BCLAF3: variants seen among roughly 807,000 people sequenced by gnomAD.
BCLAF3 encodes the protein BCLAF1 and THRAP3 family member 3.
In BCLAF3, 24 loss-of-function variants were observed where a neutral mutation model predicts 51.2. That is an observed-to-expected ratio of 0.47 (90% CI 0.34 to 0.66). BCLAF3 has a LOEUF of 0.66. BCLAF3 is among the 30% of genes least tolerant of loss of function. The pLI is 0.01. For missense variants in BCLAF3, 465 were observed against 525.1 expected, an observed-to-expected ratio of 0.89 and a Z score of 1.12; for synonymous variants, 152 against 176.6, an observed-to-expected ratio of 0.86 and a Z score of 1.10.
chrX:19,946,374 A>T (rs1402540256), intron 8 of BCLAF3, among the ~76,000 whole-genome samples: 5 of 112,234 alleles, frequency 4.5e-5, no homozygotes, highest in Non-Finnish European at 7.5e-5. Context: ...CATGAGACAG[A>T]TGCTACATAC....
chrX:19,941,685 T>C (rs1225962837), intron 8 of BCLAF3, among the ~76,000 whole-genome samples: 28 of 109,055 alleles, frequency 2.6e-4, no homozygotes, highest in African/African-American at 9.5e-4. Flanking sequence ...CCTTGTAGTA[T>C]AGTTTGAAGT....
chrX:19,946,020 G>A (rs2071276939), intron 8 of BCLAF3, among the ~76,000 whole-genome samples: 2 of 109,299 alleles, frequency 1.8e-5, no homozygotes, highest in Admixed American at 1.9e-4. Context: ...ATATTCGGGT[G>A]GGAGTGACCC....
In BCLAF3 at chrX:19,991,008, C is replaced by G. The variant is rs1422035720; in HGVS notation, c.-135G>C. ...GCCTCGCCCCTCACTCTGCCGCCGC[C>G]TCCCACAGCAGCGACACCCCAGCCA... On this transcript the variant is annotated 5_prime_UTR_variant, in exon 1 of 12. Transcript: ENST00000379682. Among the ~76,000 whole-genome samples the G allele has an allele frequency of 9.2e-6, 1 of 108,392 alleles. No individual in the cohort carries two copies. The highest frequency in any genetic ancestry group is 1.9e-5 in the Non-Finnish European group (1 of 51,760). 94.1% of individuals were successfully genotyped at this position (108,392 alleles called of 115,157 possible). A position where few individuals can be genotyped will look rare whatever the true frequency, so the allele number is the denominator to read the frequency against.
chrX:19,982,549 TCACACACACA>T (rs60433883), intron 1 of BCLAF3, among the ~76,000 whole-genome samples: 3,836 of 97,132 alleles, frequency 0.039, 69 homozygotes, highest in Non-Finnish European at 0.057. Flanking sequence ...AGATGCAATT[TCACACACACA>T]CACACACACA....
intron 1 of BCLAF3, among the ~76,000 whole-genome samples, chrX:19,978,916 T>C (rs2072520806): frequency 9.0e-6 from 1 of 110,808 alleles, no homozygotes; most frequent in South Asian, 3.8e-4. Context: ...AAATCTTTTG[T>C]AAAGGAAGAG....
intron 2 of BCLAF3, among the ~76,000 whole-genome samples, chrX:19,969,498 A>T (rs931024403): frequency 3.6e-5 from 4 of 112,220 alleles, no homozygotes; most frequent in Non-Finnish European, 5.6e-5. Flanking sequence ...CGCCCAGATA[A>T]AATTGTTTTC....
intron 11 of BCLAF3, chrX:19,923,481 C>T (rs1244581651): frequency 7.6e-6 from 1 of 131,205 alleles, no homozygotes; most frequent in Non-Finnish European, 1.6e-5. Flanking sequence ...GAGATGTAAT[C>T]CATAGACTAT....
rs759876201 is a variant in BCLAF3 at position 19,983,071 on chromosome X, C to T, written c.-35+7837G>A. Among the ~76,000 whole-genome samples, 10 of 104,577 alleles carry T rather than the reference C, an allele frequency of 9.6e-5. No homozygotes were observed. In the South Asian group the frequency reaches 4.4e-3, roughly 47 times the overall value. The allele number at this position is 104,577 out of a possible 115,157, so 90.8% of individuals were successfully genotyped here. A position where few individuals can be genotyped will look rare whatever the true frequency, so the allele number is the denominator to read the frequency against. ...CCAAGTTCAAGCGATTCCCGTGCTT[C>T]AGCCTCCCAAGTAGCTGGTACTATA... On this transcript the variant is annotated intron_variant, in intron 1 of 11. Transcript: ENST00000379682.
intron 2 of BCLAF3, among the ~76,000 whole-genome samples, chrX:19,968,828 TGTGGGCC>T (rs2072152550): frequency 8.9e-6 from 1 of 112,673 alleles, no homozygotes; most frequent in Non-Finnish European, 1.9e-5. Flanking sequence ...AAATGACCTC[TGTGGGCC>T]GGGCGCAGTG....
At chrX:19,970,946 A>G (rs2072236557) in intron 1 of BCLAF3, among the ~76,000 whole-genome samples, 1 of 112,304 alleles carries the variant, frequency 8.9e-6, no homozygotes, top group South Asian at 3.7e-4. Context: ...GAATTCCTCT[A>G]TCTGAATACA....
At chrX:19,940,219 T>C (rs1009858467) in intron 8 of BCLAF3, among the ~76,000 whole-genome samples, 1 of 111,749 alleles carries the variant, frequency 8.9e-6, no homozygotes, top group African/African-American at 3.2e-5. Context: ...GGACTAAATT[T>C]TGGCCAAGTT....
chrX:19,945,528 C>G (rs1000377275), intron 8 of BCLAF3, among the ~76,000 whole-genome samples: 3 of 91,460 alleles, frequency 3.3e-5, no homozygotes, highest in South Asian at 8.2e-4. Flanking sequence ...TTGGAATACC[C>G]TGCCGTGTGA....
intron 8 of BCLAF3, among the ~76,000 whole-genome samples, chrX:19,946,761 T>C (rs1411072053): frequency 8.9e-6 from 1 of 111,876 alleles, no homozygotes; most frequent in Non-Finnish European, 1.9e-5. Context: ...AAAGCAGGCA[T>C]GCTGAAGGTC....
At chrX:19,984,409 C>T (rs2072728013) in intron 1 of BCLAF3, among the ~76,000 whole-genome samples, 1 of 110,590 alleles carries the variant, frequency 9.0e-6, no homozygotes, top group Non-Finnish European at 1.9e-5. Context: ...AATAGAGTAA[C>T]TCTTACTAAT....
chrX:19,970,158 G>A, intron 2 of BCLAF3, 66 bp downstream of exon 2: 1 of 946,670 alleles, frequency 1.1e-6, no homozygotes, highest in East Asian at 3.1e-5. Flanking sequence ...GTGTTTACTA[G>A]TACTGGTGAA....
intron 8 of BCLAF3, among the ~76,000 whole-genome samples, chrX:19,949,414 A>T (rs2071406367): frequency 8.9e-6 from 1 of 112,243 alleles, no homozygotes; most frequent in Non-Finnish European, 1.9e-5. Context: ...TACATCCTAA[A>T]GCATCTTATG....
chrX:19,970,251 C>T lies in BCLAF3; in HGVS notation c.14G>A (p.Arg5Gln), dbSNP rs1251095662. The change falls in exon 2 of 12, where the codon CGA becomes CAA. Residue 5 changes from arginine (R) to glutamine (Q), a missense_variant. By Grantham distance (43) the Arg-to-Gln change is conservative. Coordinates refer to ENST00000379682, the MANE Select transcript of BCLAF3 (RefSeq NM_001367774.2). MARS[R>Q]SRSPRWKHRS... ...GTGTTTCCACCTGGGGGATCTAGAT[C>T]GTGACCGTGCCATCCTTTGACACGT... 4.1e-6 allele frequency: 5 copies of T among 1,210,163 alleles called. No homozygotes were observed. The Admixed American group carries it at 6.5e-5, about 16-fold the overall frequency.
At chrX:19,956,422 C>T (rs1160059882) in intron 4 of BCLAF3, among the ~76,000 whole-genome samples, 3 of 111,432 alleles carry the variant, frequency 2.7e-5, no homozygotes. Context: ...AAGGTGCCAC[C>T]ACCCTGAGAC....
intron 11 of BCLAF3, among the ~76,000 whole-genome samples, chrX:19,920,799 C>T (rs1399751645): frequency 6.9e-5 from 7 of 101,819 alleles, no homozygotes; most frequent in Non-Finnish European, 1.4e-4. Context: ...CCAGCCTGGG[C>T]GACAGAGTGA....
Sources: gnomAD v4.1 joint callset for allele counts (sites outside exome capture counted in the v4.1 genomes callset) on GRCh38, gnomAD v4.1.1 for gene constraint, MANE v1.5 for transcripts, NCBI Gene and HGNC (gene_info 2026-07-23, HGNC 2026-07-21) for gene names.